Variants in KCNJ15 observed in about 807,000 individuals in gnomAD.
KCNJ15 encodes the protein ATP-sensitive inward rectifier potassium channel 15.
A neutral mutation model predicts 23.0 loss-of-function variants in KCNJ15; 14 were observed. The observed-to-expected ratio is 0.61, with a 90% CI of 0.40 to 0.95. The LOEUF is 0.95. Ranked by LOEUF, KCNJ15 falls within the 40% of genes least tolerant of loss-of-function variation. KCNJ15 has a pLI of 0.00. For missense variants in KCNJ15, 388 were observed against 461.8 expected (o/e 0.84, Z 1.46); for synonymous variants, 185 against 183.2 (o/e 1.01, Z -0.08).
chr21:38,244,147 G>A (rs1979203538), intron 1 of KCNJ15, among the ~76,000 whole-genome samples: 1 of 151,284 alleles, frequency 6.6e-6, no homozygotes, highest in South Asian at 2.1e-4. Context: ...TGACTATCTT[G>A]TTTATACAAA....
At chr21:38,292,521 A>G (rs762277883) in intron 1 of KCNJ15, among the ~76,000 whole-genome samples, 72 of 152,194 alleles carry the variant, frequency 4.7e-4, no homozygotes, top group Non-Finnish European at 7.5e-4. Flanking sequence ...GTAAATATTG[A>G]CTCAGAAGTA....
intron 1 of KCNJ15, among the ~76,000 whole-genome samples, chr21:38,248,955 G>A (rs1017769058): frequency 2.0e-5 from 3 of 152,100 alleles, no homozygotes; most frequent in African/African-American, 7.2e-5. Context: ...CAGTTCACTA[G>A]TGCAAAACCA....
chr21:38,274,311 A>G (rs1982419604), intron 1 of KCNJ15, among the ~76,000 whole-genome samples: 1 of 152,186 alleles, frequency 6.6e-6, no homozygotes, highest in Non-Finnish European at 1.5e-5. Flanking sequence ...CACATCCTTC[A>G]GCTTGTTCCT....
At chr21:38,269,254 A>G (rs1981822749) in intron 1 of KCNJ15, among the ~76,000 whole-genome samples, 1 of 152,206 alleles carries the variant, frequency 6.6e-6, no homozygotes, top group Non-Finnish European at 1.5e-5. Flanking sequence ...AACAAAACTT[A>G]CTTTGTAAAG....
At chr21:38,262,087 A>G (rs1980963591) in intron 1 of KCNJ15, among the ~76,000 whole-genome samples, 1 of 152,220 alleles carries the variant, frequency 6.6e-6, no homozygotes, top group South Asian at 2.1e-4. Flanking sequence ...TCTTTGCCAA[A>G]AAATACAAGG....
rs777286302 is a variant in KCNJ15, at chr21:38,300,327, A to T, written c.1066A>T (p.Arg356Trp). Residue 356 changes from arginine (R) to tryptophan (W), a missense_variant, in exon 3 of 3, where the codon AGG becomes TGG. Physicochemically the swap from Arg to Trp is moderately radical, Grantham distance 101. Coordinates refer to ENST00000398938, the MANE Select transcript of KCNJ15 (RefSeq NM_170736.3). ...SEKQQLEEKY[R>W]QEDQRERELR... ...GAAACAGCAACTCGAGGAGAAGTAC[A>T]GGCAGGAGGATCAGAGGGAAAGAGA... 1 of 1,614,014 alleles carries T rather than the reference A, an allele frequency of 6.2e-7. No homozygotes were observed. Among genetic ancestry groups the T allele is most frequent in the African/African-American group, 1.3e-5 (1 of 74,950 alleles).
intron 1 of KCNJ15, among the ~76,000 whole-genome samples, chr21:38,246,003 C>A (rs1419539492): frequency 6.6e-6 from 1 of 152,184 alleles, no homozygotes; most frequent in Non-Finnish European, 1.5e-5. Context: ...TGACTTAATT[C>A]AAGACTTAGT....
At chr21:38,241,332 A>G (rs115761376) in intron 1 of KCNJ15, among the ~76,000 whole-genome samples, 3,011 of 152,216 alleles carry the variant, frequency 0.02, 95 homozygotes, top group African/African-American at 0.066. Flanking sequence ...TCTGCAGTGG[A>G]GTATTGATTT....
At chr21:38,282,852 G>C (rs1261296440) in intron 1 of KCNJ15, among the ~76,000 whole-genome samples, 1 of 152,128 alleles carries the variant, frequency 6.6e-6, no homozygotes, top group Non-Finnish European at 1.5e-5. Flanking sequence ...ATTATCATGA[G>C]GTGTGGACAA....
intron 1 of KCNJ15, among the ~76,000 whole-genome samples, chr21:38,259,164 G>T (rs1464451531): frequency 6.6e-6 from 1 of 152,148 alleles, no homozygotes; most frequent in Non-Finnish European, 1.5e-5. Flanking sequence ...CAAATCTTTG[G>T]AATATCCTTT....
chr21:38,230,749 A>G (rs1440448064), intron 1 of KCNJ15, among the ~76,000 whole-genome samples: 1 of 152,086 alleles, frequency 6.6e-6, no homozygotes, highest in Non-Finnish European at 1.5e-5. Flanking sequence ...TAAGTAGTTT[A>G]CTTTTGGGCT....
At chr21:38,262,433 C>T (rs1330442553) in intron 1 of KCNJ15, among the ~76,000 whole-genome samples, 1 of 152,084 alleles carries the variant, frequency 6.6e-6, no homozygotes, top group Non-Finnish European at 1.5e-5. Flanking sequence ...ATACAAGTGA[C>T]AAAAGCAGTG....
chr21:38,268,550 G>GA (rs576709021), intron 1 of KCNJ15, among the ~76,000 whole-genome samples: 3,309 of 47,056 alleles, frequency 0.07, 662 homozygotes, highest in Admixed American at 0.11. Flanking sequence ...CTTAAAATCT[G>GA]AAAAAAAAAA....
At chr21:38,291,766 C>A (rs1285262294) in intron 1 of KCNJ15, 1 of 152,208 alleles carries the variant, frequency 6.6e-6, no homozygotes, top group Non-Finnish European at 1.5e-5. Flanking sequence ...CAGTCATTTG[C>A]ATTTTTATCA....
rs1986005879 is a variant in KCNJ15, at chr21:38,305,072, C to A, written c.*4683C>A. 1 of 117,304 alleles carries A rather than the reference C, an allele frequency of 8.5e-6. No homozygotes were observed. Among genetic ancestry groups the A allele is most frequent in the Admixed American group, 8.5e-5 (1 of 11,696 alleles). 7.3% of individuals were successfully genotyped at this position (117,304 alleles called of 1,614,324 possible). A position where few individuals can be genotyped will look rare whatever the true frequency, so the allele number is the denominator to read the frequency against. ...TCCAGCCTGGGCAACAAAAGTAAAA[C>A]TCCGTCTCAAAAAAAAAAAAAAAAA... On this transcript the variant is annotated 3_prime_UTR_variant, in exon 3 of 3. Transcript: ENST00000398938.
intron 1 of KCNJ15, among the ~76,000 whole-genome samples, chr21:38,274,019 T>C (rs1188795412): frequency 1.3e-5 from 2 of 152,150 alleles, no homozygotes; most frequent in Non-Finnish European, 2.9e-5. Flanking sequence ...CATTCTGTGG[T>C]TTTCAAATGT....
chr21:38,276,828 CA>C lies in KCNJ15; in HGVS notation c.-117+19645del, dbSNP rs370875583. Among the ~76,000 whole-genome samples the C allele has an allele frequency of 7.4e-4, 113 of 152,110 alleles. 1 individual carries two copies. Among genetic ancestry groups the C allele is most frequent in the African/African-American group, 2.6e-3 (109 of 41,492 alleles). The stretch of plus-strand genomic sequence containing the variant: ...TATTTTTTAAAACTTGAAGTTTGAT[CA>C]AGGCATTTACATCCTAGGAGACAAA... On this transcript the variant is annotated intron_variant, in intron 1 of 2. Transcript: ENST00000398938.
intron 1 of KCNJ15, among the ~76,000 whole-genome samples, chr21:38,265,663 A>T (rs1199190570): frequency 6.6e-6 from 1 of 152,198 alleles, no homozygotes; most frequent in Non-Finnish European, 1.5e-5. Flanking sequence ...GATTTAGAAG[A>T]TATAAGTGAC....
chr21:38,235,934 AT>A (rs1978570514), intron 1 of KCNJ15, among the ~76,000 whole-genome samples: 1 of 152,240 alleles, frequency 6.6e-6, no homozygotes, highest in Admixed American at 6.5e-5. Context: ...ATGAGCTTCA[AT>A]TAGAAATGTT....
Sources: allele counts gnomAD v4.1 joint callset (sites outside exome capture counted in the v4.1 genomes callset), GRCh38; gene constraint gnomAD v4.1.1; transcripts MANE v1.5; gene names NCBI Gene and HGNC (gene_info 2026-07-23, HGNC 2026-07-21).